The following NUP210L variants were observed in gnomAD, a reference collection of about 807,000 sequenced individuals.
NUP210L encodes the protein nucleoporin 210 like, also known as nuclear pore membrane glycoprotein 210-like.
A neutral mutation model predicts 208.5 loss-of-function variants in NUP210L; 74 were observed. The ratio of observed to expected loss-of-function variants is 0.35; its 90% CI spans 0.29 to 0.43. The LOEUF (loss-of-function observed/expected upper bound fraction) is 0.43. Ranked by LOEUF, NUP210L falls within the 20% of genes least tolerant of loss-of-function variation. The probability of loss-of-function intolerance (pLI) is 1.00; values close to 1 mark genes in which losing one functional copy is unlikely to be tolerated. For synonymous variants in NUP210L, 780 were observed against 816.9 expected, an observed-to-expected ratio of 0.95 and a Z score of 0.77; for missense variants, 1,843 against 2,289.4, an observed-to-expected ratio of 0.81 and a Z score of 3.98.
intron 27 of NUP210L, among the ~76,000 whole-genome samples, chr1:154,034,652 C>T (rs551630416): frequency 2.6e-5 from 4 of 152,044 alleles, no homozygotes; most frequent in Admixed American, 6.6e-5. Context: ...GACTTTTCAT[C>T]ATGGTGTTGA....
intron 20 of NUP210L, 37 bp downstream of exon 20, chr1:154,060,503 C>T (rs747679628): frequency 7.6e-7 from 1 of 1,319,166 alleles, no homozygotes; most frequent in South Asian, 1.2e-5. Context: ...GAGCTTTGGC[C>T]TGAGACCATC....
chr1:154,087,207 C>T (rs1057182680), intron 16 of NUP210L, among the ~76,000 whole-genome samples: 3 of 151,380 alleles, frequency 2.0e-5, no homozygotes, highest in African/African-American at 7.3e-5. Flanking sequence ...ATAATCCTAG[C>T]TACTCAGGAG....
At chr1:154,082,157 C>G (rs994362757) in intron 16 of NUP210L, among the ~76,000 whole-genome samples, 4 of 152,068 alleles carry the variant, frequency 2.6e-5, no homozygotes, top group Non-Finnish European at 4.4e-5. Flanking sequence ...TGATTTGTAT[C>G]CTTTATAACG....
exon 17 of NUP210L, chr1:154,070,349 T>C (rs1292483796): frequency 6.2e-7 from 1 of 1,613,686 alleles, no homozygotes; most frequent in Non-Finnish European, 8.5e-7. Context: ...AATGGGCTAG[T>C]GTTTCATTGG....
intron 10 of NUP210L, among the ~76,000 whole-genome samples, chr1:154,120,439 G>T (rs148643759): frequency 8.6e-4 from 131 of 152,088 alleles, no homozygotes; most frequent in African/African-American, 2.9e-3. Flanking sequence ...AGAACACTTG[G>T]ACACAGAAAG....
At chr1:154,005,475 G>A (rs144452160) in intron 35 of NUP210L, among the ~76,000 whole-genome samples, 111 of 151,072 alleles carry the variant, frequency 7.3e-4, no homozygotes, top group African/African-American at 2.4e-3. Context: ...GTGATCCACC[G>A]CCTTGGCCTC....
chr1:154,011,095 G>C (rs1386129214), intron 34 of NUP210L, among the ~76,000 whole-genome samples: 2 of 152,018 alleles, frequency 1.3e-5, no homozygotes, highest in Non-Finnish European at 2.9e-5. Context: ...GCAATGAGTG[G>C]CATTCTTGAA....
chr1:154,054,395 C>T, exon 25 of NUP210L: 1 of 1,614,110 alleles, frequency 6.2e-7, no homozygotes, highest in Non-Finnish European at 8.5e-7. Context: ...TGGGGGCCAC[C>T]TTCAGACATT....
At chr1:154,104,013 T>C (rs750742517) in exon 13 of NUP210L, 1 of 1,607,936 alleles carries the variant, frequency 6.2e-7, no homozygotes, top group Non-Finnish European at 8.5e-7. Flanking sequence ...TACTTTTACC[T>C]TCTTTGAGAA....
rs898229904 is a variant in NUP210L at position 154,061,786 on chromosome 1, G to C, written c.2555-112C>G. On this transcript the variant is annotated intron_variant, in intron 17 of 39. Coordinates refer to ENST00000368559, the Ensembl canonical transcript of NUP210L. ...TTTTCCAAATGGTGCTTTATTGCAG[G>C]GGAGGAAAAACTCTCAATGGGGAAA... 9.9e-6 allele frequency: 7 copies of C among 708,712 alleles called. No individual in the cohort carries two copies. In the African/African-American group the frequency reaches 1.3e-4, roughly 13 times the overall value. 43.9% of individuals were successfully genotyped at this position (708,712 alleles called of 1,614,324 possible).
intron 12 of NUP210L, among the ~76,000 whole-genome samples, chr1:154,115,888 G>A (rs1657294464): frequency 6.6e-6 from 1 of 152,046 alleles, no homozygotes; most frequent in Non-Finnish European, 1.5e-5. Flanking sequence ...GAAGGCCGGG[G>A]TGGGCGGATC....
At chr1:154,015,041 T>C (rs1213792899) in intron 33 of NUP210L, among the ~76,000 whole-genome samples, 1 of 151,906 alleles carries the variant, frequency 6.6e-6, no homozygotes, top group Non-Finnish European at 1.5e-5. Flanking sequence ...GTTGGGAAAA[T>C]ACTTTTTTTT....
At chr1:154,114,465 T>C (rs1003104835) in intron 12 of NUP210L, among the ~76,000 whole-genome samples, 6 of 152,130 alleles carry the variant, frequency 3.9e-5, no homozygotes, top group African/African-American at 1.2e-4. Flanking sequence ...TGACTAACCA[T>C]ATGCAAACTC....
At chr1:154,034,480 C>G (rs1436270338) in intron 27 of NUP210L, among the ~76,000 whole-genome samples, 1 of 152,128 alleles carries the variant, frequency 6.6e-6, no homozygotes, top group Non-Finnish European at 1.5e-5. Context: ...AGGTGCCCAC[C>G]ACCATGCCCA....
At chr1:154,081,995 A>AAT in intron 16 of NUP210L, among the ~76,000 whole-genome samples, 1 of 152,150 alleles carries the variant, frequency 6.6e-6, no homozygotes, top group Non-Finnish European at 1.5e-5. Context: ...AACAAAAAAC[A>AAT]TTGGACACCA....
chr1:154,092,878 T>A (rs2148051003), intron 15 of NUP210L, among the ~76,000 whole-genome samples: 1 of 152,060 alleles, frequency 6.6e-6, no homozygotes, highest in East Asian at 1.9e-4. Context: ...GTGTCTGCCA[T>A]GACACCCAGC....
chr1:154,089,877 A>T (rs911536778), intron 15 of NUP210L, among the ~76,000 whole-genome samples: 1 of 152,074 alleles, frequency 6.6e-6, no homozygotes, highest in Non-Finnish European at 1.5e-5. Context: ...ACTTGAGCCT[A>T]GTTCAAGACC....
intron 38 of NUP210L, 60 bp downstream of exon 38, chr1:153,995,011 CAAAAA>C (rs376157395): frequency 4.9e-4 from 354 of 723,148 alleles, no homozygotes; most frequent in African/African-American, 1.2e-3. Flanking sequence ...AACTCCATCT[CAAAAA>C]AAAAAAAAAA....
intron 12 of NUP210L, 102 bp from the exon 13 acceptor site, chr1:154,104,312 C>A: frequency 1.2e-6 from 1 of 856,824 alleles, no homozygotes; most frequent in Admixed American, 2.0e-5. Flanking sequence ...TGATTGTCCT[C>A]CCTGCAGGAA....
Sources: allele counts gnomAD v4.1 joint callset (sites outside exome capture counted in the v4.1 genomes callset), GRCh38; gene constraint gnomAD v4.1.1; transcripts MANE v1.5; gene names NCBI Gene and HGNC (gene_info 2026-07-23, HGNC 2026-07-21).